ETV1: variants seen among roughly 807,000 people sequenced by gnomAD.
ETV1 encodes the protein ETS variant transcription factor 1.
ETV1 carries 27 observed loss-of-function variants against 62.3 expected under a neutral mutation model. The observed-to-expected ratio is 0.43, with a 90% CI of 0.32 to 0.60. The LOEUF is 0.60. ETV1 is among the 20% of genes least tolerant of loss of function. The pLI is 0.06. For missense variants in ETV1, 605 were observed against 605.8 expected (o/e 1.00, Z 0.01); for synonymous variants, 222 against 199.6 (o/e 1.11, Z -0.94).
At chr7:13,988,257 C>CAA (rs1029727115) in intron 3 of ETV1, 84 bp from the exon 4 acceptor site, 13 of 804,772 alleles carry the variant, frequency 1.6e-5, no homozygotes, top group Admixed American at 1.3e-4. Flanking sequence ...CACACACACA[C>CAA]AGACATGCAT....
At chr7:13,972,426 T>C (rs1023142214) in intron 6 of ETV1, among the ~76,000 whole-genome samples, 2 of 152,168 alleles carry the variant, frequency 1.3e-5, no homozygotes, top group East Asian at 3.9e-4. Flanking sequence ...AGTGAGACCC[T>C]GTCTCAGAAT....
Position 13,906,523 on chromosome 7 carries a change from C to G in ETV1, c.1017G>C (p.Gln339His). Residue 339 changes from glutamine (Q) to histidine (H), a missense_variant, in exon 12 of 14, where the codon CAG becomes CAC. Transcript: ENST00000430479. ...GGTCATCCAGAAGAGCTACCAAAAA[C>G]TGCCAGAGCTGAAGTGATCCTCGCC... Reference protein sequence around the residue: ...YQRRGSLQLWQFLVALLDDPS... With the variant: ...YQRRGSLQLWHFLVALLDDPS... The G allele has an allele frequency of 6.2e-7, 1 of 1,612,028 alleles. No homozygotes were observed. Among genetic ancestry groups the G allele is most frequent in the Non-Finnish European group, 8.5e-7 (1 of 1,179,036 alleles).
chr7:13,927,368 C>T (rs1351656635), intron 9 of ETV1, among the ~76,000 whole-genome samples: 1 of 152,180 alleles, frequency 6.6e-6, no homozygotes, highest in Non-Finnish European at 1.5e-5. Flanking sequence ...AGGAGAACTG[C>T]TTGAACCTGG....
chr7:13,911,396 G>A (rs1212330702), intron 9 of ETV1, 89 bp from the exon 10 acceptor site: 2 of 835,900 alleles, frequency 2.4e-6, no homozygotes, highest in African/African-American at 3.4e-5. Flanking sequence ...AGAAGATACA[G>A]AAACGGACAC....
At chr7:13,937,556 CAG>C (rs1264161053) in intron 7 of ETV1, among the ~76,000 whole-genome samples, 4 of 152,198 alleles carry the variant, frequency 2.6e-5, no homozygotes, top group Non-Finnish European at 4.4e-5. Context: ...GCATATAAAA[CAG>C]TGATGATTTC....
chr7:13,922,949 A>G (rs191369784), intron 9 of ETV1, among the ~76,000 whole-genome samples: 2 of 152,308 alleles, frequency 1.3e-5, no homozygotes, highest in East Asian at 3.9e-4. Flanking sequence ...AAATAGCAAT[A>G]AATTGTTTTT....
intron 6 of ETV1, among the ~76,000 whole-genome samples, chr7:13,953,934 T>C (rs1334330606): frequency 6.6e-6 from 1 of 152,224 alleles, no homozygotes; most frequent in African/African-American, 2.4e-5. Flanking sequence ...ATGATAAATA[T>C]GATCTTTAAT....
chr7:13,962,262 C>T (rs898093144), intron 6 of ETV1, among the ~76,000 whole-genome samples: 18 of 151,362 alleles, frequency 1.2e-4, no homozygotes, highest in African/African-American at 4.4e-4. Flanking sequence ...TAATATTTAT[C>T]CCATTTTTAT....
chr7:13,916,594 C>T (rs1156653986), intron 9 of ETV1, among the ~76,000 whole-genome samples: 5 of 151,746 alleles, frequency 3.3e-5, no homozygotes, highest in Non-Finnish European at 7.4e-5. Flanking sequence ...GCCGAGATCG[C>T]GCCACTGCAC....
chr7:13,973,644 C>CTT (rs142811728), intron 6 of ETV1, among the ~76,000 whole-genome samples: 1 of 148,736 alleles, frequency 6.7e-6, no homozygotes, highest in African/African-American at 2.5e-5. Context: ...TATCCTTCCA[C>CTT]TTTTTTTTTT....
In ETV1 at chr7:13,906,546, G is replaced by A; in HGVS notation, c.994C>T (p.Arg332Ter). ...AACTGCCAGAGCTGAAGTGATCCTC[G>A]CCGTTGGTATGTGGGTCCTTCCCGA... ...MYREGPTYQR[R>*]GSLQLWQFLV... Residue 332 changes from arginine to a stop codon, truncating the protein, a stop_gained, in exon 12 of 14, where the codon CGA becomes TGA. Coordinates refer to ENST00000430479, the MANE Select transcript of ETV1 (RefSeq NM_004956.5). LOFTEE classifies it high-confidence loss of function. The A allele has an allele frequency of 6.2e-7, 1 of 1,612,328 alleles. No individual in the cohort carries two copies. Among genetic ancestry groups the A allele is most frequent in the Non-Finnish European group, 8.5e-7 (1 of 1,179,116 alleles).
chr7:13,939,489 C>G (rs1408329017), intron 6 of ETV1, among the ~76,000 whole-genome samples: 1 of 152,154 alleles, frequency 6.6e-6, no homozygotes, highest in Non-Finnish European at 1.5e-5. Context: ...TTAAGTGAAT[C>G]ACTTGTAATT....
intron 5 of ETV1, chr7:13,986,338 C>G: frequency 1.3e-6 from 2 of 1,489,210 alleles, no homozygotes; most frequent in Admixed American, 6.0e-5. Flanking sequence ...TGATCAATTG[C>G]AATTAAAATC....
At chr7:13,977,271 A>G (rs536691045) in intron 6 of ETV1, among the ~76,000 whole-genome samples, 156 bp downstream of exon 6, 1 of 152,338 alleles carries the variant, frequency 6.6e-6, no homozygotes, top group Non-Finnish European at 1.5e-5. Context: ...CTGATGTCAC[A>G]ACCTAACAAA....
In ETV1 at chr7:13,939,227, T is replaced by C. The variant is rs755614363; in HGVS notation, c.255A>G (p.Pro85=). The C allele has an allele frequency of 3.7e-6, 6 of 1,606,050 alleles. No homozygotes were observed. The East Asian group carries it at 6.7e-5, about 18-fold the overall frequency. Residue 85 remains proline (P), a synonymous_variant, in exon 7 of 14, where the codon CCA becomes CCG. Coordinates refer to ENST00000430479, the MANE Select transcript of ETV1 (RefSeq NM_004956.5). The part of the protein sequence containing the change: ...QAESLAFHGL[P]LKIKKEPHSP... ...TGTGGGGTTCTTTCTTGATTTTCAG[T>C]GGCAGGCCATGAAAAGCCACTAGAA... is the stretch of plus-strand genomic sequence containing the variant.
intron 9 of ETV1, among the ~76,000 whole-genome samples, chr7:13,915,153 G>C (rs1784013309): frequency 6.6e-6 from 1 of 152,146 alleles, no homozygotes; most frequent in Non-Finnish European, 1.5e-5. Flanking sequence ...TTTCCTATAA[G>C]TATATAGTGC....
intron 6 of ETV1, among the ~76,000 whole-genome samples, chr7:13,959,986 T>C (rs1789980339): frequency 6.6e-6 from 1 of 151,610 alleles, no homozygotes; most frequent in South Asian, 2.1e-4. Context: ...AGTTAAATAC[T>C]TGGAGTACTG....
chr7:13,930,330 T>A (rs529859751), intron 9 of ETV1, among the ~76,000 whole-genome samples: 29 of 150,644 alleles, frequency 1.9e-4, no homozygotes, highest in South Asian at 4.2e-4. Flanking sequence ...GGAAAAAAAA[T>A]TTTTTTTTTG....
intron 12 of ETV1, among the ~76,000 whole-genome samples, chr7:13,902,287 G>C (rs1279074287): frequency 6.6e-6 from 1 of 150,862 alleles, no homozygotes; most frequent in Admixed American, 6.6e-5. Flanking sequence ...TTTTCCTTTA[G>C]AAATACCGAT....
Sources: allele counts gnomAD v4.1 joint callset (sites outside exome capture counted in the v4.1 genomes callset), GRCh38; gene constraint gnomAD v4.1.1; transcripts MANE v1.5; gene names NCBI Gene and HGNC (gene_info 2026-07-23, HGNC 2026-07-21).